Variants in LRP1B observed in about 807,000 individuals in gnomAD.
LRP1B encodes the protein LDL receptor related protein 1B.
A neutral mutation model predicts 556.6 loss-of-function variants in LRP1B; 217 were observed. That is an observed-to-expected ratio of 0.39 (90% CI 0.35 to 0.44). The LOEUF (loss-of-function observed/expected upper bound fraction) is 0.44, where lower values mean the gene tolerates loss of function less well. Among genes scored for constraint, LRP1B ranks in the 20% least tolerant of loss-of-function variants. LRP1B has a pLI of 1.00. For missense variants in LRP1B, 5,053 were observed against 5,620.8 expected (o/e 0.90, Z 3.23); for synonymous variants, 2,047 against 1,865.8 (o/e 1.10, Z -2.50).
At chr2:141,964,822 GAGAAAAT>G (rs1701508500) in intron 1 of LRP1B, among the ~76,000 whole-genome samples, 1 of 151,894 alleles carries the variant, frequency 6.6e-6, no homozygotes, top group Non-Finnish European at 1.5e-5. Flanking sequence ...TACAGAATGG[GAGAAAAT>G]TTTTGCAACC....
chr2:141,744,228 T>A (rs892300265), intron 2 of LRP1B, among the ~76,000 whole-genome samples: 1 of 152,138 alleles, frequency 6.6e-6, no homozygotes, highest in African/African-American at 2.4e-5. Flanking sequence ...AGTTTTTTTC[T>A]TTTTTCATTG....
intron 43 of LRP1B, among the ~76,000 whole-genome samples, chr2:140,574,848 A>T (rs1265698488): frequency 6.6e-6 from 1 of 152,204 alleles, no homozygotes; most frequent in African/African-American, 2.4e-5. Context: ...GTAATTAACC[A>T]ATATTTCTCA....
rs371935928 is a variant in LRP1B, at chr2:141,288,103, C to T, written c.344-33462G>A. Among the ~76,000 whole-genome samples, 103 of 152,220 alleles carry T rather than the reference C, an allele frequency of 6.8e-4. No homozygotes were observed. In the South Asian group the frequency reaches 0.021, roughly 31 times the overall value. ...CAACACTTTCTTCCAATCCAATTGT[C>T]TATCTTATATTTGCCAGATATATTA... On this transcript the variant is annotated intron_variant, in intron 3 of 90. Transcript: ENST00000389484.
intron 3 of LRP1B, among the ~76,000 whole-genome samples, chr2:141,300,010 A>G (rs1204031214): frequency 6.6e-6 from 1 of 152,124 alleles, no homozygotes; most frequent in African/African-American, 2.4e-5. Flanking sequence ...AGCTCCCATA[A>G]ATGGGATTAA....
chr2:140,867,785 T>C lies in LRP1B; in HGVS notation c.4384A>G (p.Ile1462Val). 1 of 1,604,780 alleles carries C rather than the reference T, an allele frequency of 6.2e-7. No homozygotes were observed. Among genetic ancestry groups the C allele is most frequent in the Non-Finnish European group, 8.5e-7 (1 of 1,175,042 alleles). ...GAAAGGTATTCATGACCTCGGATGA[T>C]TTCTATCATGTTTGTTCCATCATAG... ...ALYDGTNMIE[I>V]IRGHEYLSHP... The change falls in exon 27 of 91, where the codon ATC (isoleucine) becomes GTC (valine). Residue 1462 changes from isoleucine (I) to valine (V), a missense_variant. This residue lies in a region of LRP1B where 3,619 missense variants were observed against 3,931.9 expected (regional missense o/e 0.92). Coordinates refer to ENST00000389484, the MANE Select transcript of LRP1B (RefSeq NM_018557.3).
intron 79 of LRP1B, among the ~76,000 whole-genome samples, chr2:140,326,834 C>A (rs116323823): frequency 0.038 from 5,778 of 152,084 alleles, 199 homozygotes; most frequent in African/African-American, 0.09. Context: ...TGATAATGGA[C>A]TGAAATAATA....
At chr2:141,001,458 T>G (rs1473573056) in intron 15 of LRP1B, among the ~76,000 whole-genome samples, 2 of 152,112 alleles carry the variant, frequency 1.3e-5, no homozygotes, top group Admixed American at 6.6e-5. Context: ...CTCCTAATGC[T>G]ATCCCTCCTC....
chr2:141,522,483 C>A lies in LRP1B; in HGVS notation c.206-41950G>T, dbSNP rs117371725. 1.9e-3 allele frequency among the ~76,000 whole-genome samples: 286 copies of A among 152,212 alleles called. 1 individual carries two copies. Among genetic ancestry groups the A allele is most frequent in the Admixed American group, 0.015 (225 of 15,270 alleles). ...ATTTACAAAGTAAAATGGAATAATT[C>A]ATTTATGAAGGTGCATCTTGAAGAT... On this transcript the variant is annotated intron_variant, in intron 2 of 90. Coordinates refer to ENST00000389484, the MANE Select transcript of LRP1B (RefSeq NM_018557.3).
chr2:141,114,851 C>T (rs1700846838), intron 7 of LRP1B, among the ~76,000 whole-genome samples: 1 of 150,740 alleles, frequency 6.6e-6, no homozygotes, highest in Admixed American at 6.6e-5. Flanking sequence ...TACACACATA[C>T]ATGTCATGAA....
chr2:140,803,472 A>AT (rs1690595368), intron 32 of LRP1B, among the ~76,000 whole-genome samples: 4 of 149,690 alleles, frequency 2.7e-5, no homozygotes, highest in Admixed American at 2.0e-4. Context: ...TTATTTATTT[A>AT]TTTTTTTAGT....
intron 41 of LRP1B, among the ~76,000 whole-genome samples, chr2:140,660,142 C>CAA (rs771686954): frequency 6.7e-6 from 1 of 148,760 alleles, no homozygotes; most frequent in Non-Finnish European, 1.5e-5. Context: ...TCCTTCCCCT[C>CAA]AAAAAAAAAC....
intron 84 of LRP1B, among the ~76,000 whole-genome samples, chr2:140,291,144 A>G (rs1445868292): frequency 6.6e-6 from 1 of 151,400 alleles, no homozygotes; most frequent in Non-Finnish European, 1.5e-5. Context: ...TCCTGCTAAT[A>G]GAAACAGGAA....
chr2:140,793,139 G>A (rs1244923055), intron 32 of LRP1B, among the ~76,000 whole-genome samples: 1 of 151,880 alleles, frequency 6.6e-6, no homozygotes, highest in East Asian at 1.9e-4. Context: ...GCCATTTTAA[G>A]TAAGGCTTTA....
In LRP1B at chr2:140,325,821, A is replaced by G. The variant is rs1197640416; in HGVS notation, c.12281T>C (p.Ile4094Thr). The change falls in exon 80 of 91, where the codon ATC becomes ACC. Residue 4094 changes from isoleucine to threonine, a missense_variant. Ile to Thr is a moderately conservative substitution (Grantham distance 89). Coordinates refer to ENST00000389484, the MANE Select transcript of LRP1B (RefSeq NM_018557.3). ...GCCATCATACAGAACACTGCCAATG[A>G]TGGAGAGCTCAAAGTCAGCCCAATA... ...RIYWADFELS[I>T]IGSVLYDGSN... The G allele has an allele frequency of 6.2e-7, 1 of 1,613,242 alleles. No individual in the cohort carries two copies. The highest frequency in any genetic ancestry group is 8.5e-7 in the Non-Finnish European group (1 of 1,179,562).
chr2:141,998,281 TTC>T (rs1009624058), intron 1 of LRP1B, among the ~76,000 whole-genome samples: 1 of 151,760 alleles, frequency 6.6e-6, no homozygotes, highest in African/African-American at 2.4e-5. Context: ...CACACCCAGA[TTC>T]TCTCTCTCTC....
At chr2:140,490,802 T>C (rs1457716418) in intron 57 of LRP1B, among the ~76,000 whole-genome samples, 4 of 152,110 alleles carry the variant, frequency 2.6e-5, no homozygotes, top group Non-Finnish European at 4.4e-5. Context: ...TCTATTTCCT[T>C]ACTCAATGGG....
At chr2:140,956,128 A>C (rs1695865385) in intron 18 of LRP1B, among the ~76,000 whole-genome samples, 1 of 151,778 alleles carries the variant, frequency 6.6e-6, no homozygotes, top group Non-Finnish European at 1.5e-5. Flanking sequence ...CCTATTATTT[A>C]TTGAATATAT....
chr2:140,242,562 C>A (rs1374016777), intron 87 of LRP1B, among the ~76,000 whole-genome samples: 1 of 151,028 alleles, frequency 6.6e-6, no homozygotes, highest in Non-Finnish European at 1.5e-5. Context: ...TGATGTATAA[C>A]AGAATAACAA....
At chr2:141,903,257 A>G (rs1699672581) in intron 1 of LRP1B, among the ~76,000 whole-genome samples, 1 of 151,864 alleles carries the variant, frequency 6.6e-6, no homozygotes, top group Non-Finnish European at 1.5e-5. Context: ...GGACTTGACT[A>G]ATACTGAATC....
Sources: gnomAD v4.1 joint callset for allele counts (sites outside exome capture counted in the v4.1 genomes callset) on GRCh38, gnomAD v4.1.1 for gene constraint, gnomAD v4.1.1 regional missense constraint, MANE v1.5 for transcripts, NCBI Gene and HGNC (gene_info 2026-07-23, HGNC 2026-07-21) for gene names.